The following PPP1R9A variants were observed in gnomAD, a reference collection of about 807,000 sequenced individuals.
PPP1R9A encodes the protein protein phosphatase 1 regulatory subunit 9A.
Under a neutral mutation model 141.9 loss-of-function variants are expected in PPP1R9A, and 59 were observed. The ratio of observed to expected loss-of-function variants is 0.42; its 90% CI spans 0.34 to 0.52. The LOEUF (loss-of-function observed/expected upper bound fraction) is 0.52. Ranked by LOEUF, PPP1R9A falls within the 20% of genes least tolerant of loss-of-function variation. The pLI is 0.10. For synonymous variants in PPP1R9A, 500 were observed against 569.7 expected, an observed-to-expected ratio of 0.88 and a Z score of 1.74; for missense variants, 1,444 against 1,611.9, an observed-to-expected ratio of 0.90 and a Z score of 1.78.
intron 7 of PPP1R9A, among the ~76,000 whole-genome samples, chr7:95,219,917 C>T (rs1203981510): frequency 6.6e-6 from 1 of 152,056 alleles, no homozygotes; most frequent in Non-Finnish European, 1.5e-5. Flanking sequence ...ATGGTGTTGT[C>T]CTGGAGAAAT....
chr7:95,213,740 T>C (rs1488354860), intron 7 of PPP1R9A, among the ~76,000 whole-genome samples: 14 of 152,162 alleles, frequency 9.2e-5, no homozygotes, highest in Non-Finnish European at 2.1e-4. Flanking sequence ...TTGAAAACCA[T>C]CAAGTTTCTG....
chr7:95,163,405 A>T lies in PPP1R9A; in HGVS notation c.1754+1434A>T, dbSNP rs114227244. On this transcript the variant is annotated intron_variant, in intron 5 of 19. Coordinates refer to ENST00000433360, the MANE Select transcript of PPP1R9A (RefSeq NM_001166160.2). ...CATAATTACAGTTTTTAAGTAAATG[A>T]AGGGCTATCATGGAAAAAGAAATTG... Among the ~76,000 whole-genome samples the T allele has an allele frequency of 7.4e-3, 1,125 of 152,314 alleles. 16 individuals are homozygous for T. The highest frequency in any genetic ancestry group is 0.025 in the African/African-American group (1,057 of 41,560).
intron 2 of PPP1R9A, among the ~76,000 whole-genome samples, chr7:95,041,625 C>A (rs1809256513): frequency 6.6e-6 from 1 of 151,948 alleles, no homozygotes; most frequent in Non-Finnish European, 1.5e-5. Flanking sequence ...AAAGGCTGTG[C>A]TTCGTTCAGT....
intron 2 of PPP1R9A, among the ~76,000 whole-genome samples, chr7:95,080,150 C>T: frequency 6.6e-6 from 1 of 152,172 alleles, no homozygotes; most frequent in Non-Finnish European, 1.5e-5. Context: ...GTCAAATTGT[C>T]CCTGTTTGCA....
intron 2 of PPP1R9A, among the ~76,000 whole-genome samples, chr7:95,065,530 GGTACCT>G (rs1208963335): frequency 2.6e-5 from 4 of 152,226 alleles, no homozygotes; most frequent in African/African-American, 9.6e-5. Flanking sequence ...AAGATTGTTA[GGTACCT>G]GCCTGTTTTC....
intron 8 of PPP1R9A, among the ~76,000 whole-genome samples, chr7:95,243,286 C>A (rs1003133008): frequency 3.3e-5 from 5 of 152,110 alleles, no homozygotes; most frequent in Non-Finnish European, 5.9e-5. Context: ...AGAATTCTTA[C>A]AAGGTGTTTT....
chr7:95,183,187 G>C (rs1017462612), intron 5 of PPP1R9A, among the ~76,000 whole-genome samples: 18 of 151,880 alleles, frequency 1.2e-4, no homozygotes, highest in African/African-American at 4.1e-4. Flanking sequence ...ACCCAGGCTA[G>C]AGTGCAGTGG....
chr7:95,009,003 G>A (rs1254845793), intron 2 of PPP1R9A, among the ~76,000 whole-genome samples: 2 of 152,158 alleles, frequency 1.3e-5, no homozygotes, highest in Non-Finnish European at 2.9e-5. Context: ...CCTTTGTAGG[G>A]ACATGGATGA....
intron 5 of PPP1R9A, among the ~76,000 whole-genome samples, chr7:95,185,038 T>G (rs1419951839): frequency 2.0e-5 from 3 of 151,500 alleles, no homozygotes; most frequent in Admixed American, 1.3e-4. Context: ...TTTTTTTTTT[T>G]TAATTTATTT....
rs1210106155 is a variant in PPP1R9A, at chr7:94,911,014, A to C, written c.901A>C (p.Lys301Gln). ...SIPGEEIQQS[K>Q]EPEDSTSNQQ... is the part of the protein sequence containing the mutation. Reference sequence around the variant, plus strand: ...ACCTGGTGAAGAGATCCAGCAGAGCAAGGAACCCGAGGACTCCACATCTAA... The same window carrying C: ...ACCTGGTGAAGAGATCCAGCAGAGCCAGGAACCCGAGGACTCCACATCTAA... Residue 301 changes from lysine to glutamine, a missense_variant, in exon 2 of 20, where the codon AAG (lysine) becomes CAG (glutamine). Physicochemically the swap from Lys to Gln is moderately conservative, Grantham distance 53. Coordinates refer to ENST00000433360, the MANE Select transcript of PPP1R9A (RefSeq NM_001166160.2). 6.2e-7 allele frequency: 1 copy of C among 1,614,158 alleles called. No individual in the cohort carries two copies. The highest frequency in any genetic ancestry group is 8.5e-7 in the Non-Finnish European group (1 of 1,180,034).
intron 7 of PPP1R9A, among the ~76,000 whole-genome samples, chr7:95,223,481 G>C (rs1372770952): frequency 2.0e-5 from 3 of 151,920 alleles, no homozygotes; most frequent in Non-Finnish European, 2.9e-5. Flanking sequence ...TCCTTAGGAA[G>C]TTCTGTCTAT....
chr7:95,087,583 G>A (rs924646074), intron 2 of PPP1R9A, among the ~76,000 whole-genome samples: 1 of 151,990 alleles, frequency 6.6e-6, no homozygotes, highest in Non-Finnish European at 1.5e-5. Flanking sequence ...TGAAGGATAA[G>A]TAGTTTTTTG....
chr7:95,062,005 C>T (rs1441199026), intron 2 of PPP1R9A, among the ~76,000 whole-genome samples: 1 of 152,142 alleles, frequency 6.6e-6, no homozygotes. Flanking sequence ...TTAAATTAAA[C>T]CACTCAGGCA....
intron 2 of PPP1R9A, among the ~76,000 whole-genome samples, chr7:94,953,317 A>G (rs1796691579): frequency 2.0e-5 from 3 of 151,988 alleles, no homozygotes; most frequent in South Asian, 4.1e-4. Flanking sequence ...ATTGGTCTAT[A>G]TATCTGTTTT....
intron 2 of PPP1R9A, among the ~76,000 whole-genome samples, chr7:94,926,562 T>C (rs904577608): frequency 6.6e-6 from 1 of 152,186 alleles, no homozygotes; most frequent in South Asian, 2.1e-4. Flanking sequence ...ATTCTGAAAA[T>C]GAAAGTTATC....
intron 7 of PPP1R9A, among the ~76,000 whole-genome samples, chr7:95,219,387 T>C (rs913909594): frequency 1.3e-5 from 2 of 152,220 alleles, no homozygotes; most frequent in Non-Finnish European, 2.9e-5. Flanking sequence ...TGTTTCTCTC[T>C]GGCTGCCCTT....
Position 94,910,765 on chromosome 7 carries a change from A to G in PPP1R9A, c.652A>G (p.Ile218Val), listed in dbSNP as rs533912026. The G allele has an allele frequency of 1.2e-6, 2 of 1,614,140 alleles. No homozygotes were observed. The highest frequency in any genetic ancestry group is 4.5e-5 in the East Asian group (2 of 44,876). The part of the protein sequence containing the change: ...VFENTDSPSA[I>V]ISEKAENNEY... ...TGAGAACACTGATTCTCCCAGTGCC[A>G]TCATTTCTGAGAAGGCTGAAAACAA... Residue 218 changes from isoleucine (I) to valine (V), a missense_variant, in exon 2 of 20, where the codon ATC becomes GTC. Around this residue, in one of 5 missense-constraint regions of PPP1R9A, gnomAD observed 490 missense variants for 521.1 expected, o/e 0.94. Transcript: ENST00000433360. The surrounding 1 kb of genome is among the most constrained non-coding windows in gnomAD (Gnocchi z 4.5).
At chr7:95,251,674 T>G in intron 10 of PPP1R9A, 88 bp from the exon 11 acceptor site, 1 of 1,220,020 alleles carries the variant, frequency 8.2e-7, no homozygotes. Flanking sequence ...GTTCAGTTGC[T>G]TATCCTACTA....
chr7:94,974,157 T>C (rs1799171749), intron 2 of PPP1R9A, among the ~76,000 whole-genome samples: 2 of 152,152 alleles, frequency 1.3e-5, no homozygotes, highest in African/African-American at 4.8e-5. Flanking sequence ...TAAGGATGAA[T>C]CTGAGATAGA....
Sources: gnomAD v4.1 joint callset for allele counts (sites outside exome capture counted in the v4.1 genomes callset) on GRCh38, gnomAD v4.1.1 for gene constraint, gnomAD v4.1.1 regional missense constraint, Gnocchi (gnomAD v3.1) non-coding constraint, MANE v1.5 for transcripts, NCBI Gene and HGNC (gene_info 2026-07-23, HGNC 2026-07-21) for gene names.